Variants in ARL13A observed in about 807,000 individuals in gnomAD.
The protein encoded by ARL13A is ADP-ribosylation factor-like protein 13A.
A neutral mutation model predicts 19.1 loss-of-function variants in ARL13A; 16 were observed. That is an observed-to-expected ratio of 0.84 (90% confidence interval 0.57 to 1.27). The LOEUF (loss-of-function observed/expected upper bound fraction) is 1.27, where lower values mean the gene tolerates loss of function less well. ARL13A is among the 50% of genes most tolerant of loss of function. The probability of loss-of-function intolerance (pLI) is 0.00; values close to 1 mark genes in which losing one functional copy is unlikely to be tolerated. For synonymous variants in ARL13A, 69 were observed against 71.3 expected (o/e 0.97, Z 0.17); for missense variants, 153 against 186.4 (o/e 0.82, Z 1.04).
intron 3 of ARL13A, 117 bp from the exon 4 acceptor site, chrX:100,985,550 A>G (rs1052246293): frequency 1.1e-5 from 10 of 869,755 alleles, no homozygotes; most frequent in Non-Finnish European, 1.6e-6. Context: ...TCCCCTCTGC[A>G]TAGTACTTCC....
intron 6 of ARL13A, 138 bp from the exon 7 acceptor site, chrX:100,988,054 AG>A: frequency 2.2e-6 from 1 of 464,459 alleles, no homozygotes; most frequent in Non-Finnish European, 3.7e-6. Flanking sequence ...GAGGAGCAAA[AG>A]GCCTAAACAT....
At chrX:100,975,721 C>G (rs1207357514) in intron 3 of ARL13A, among the ~76,000 whole-genome samples, 1 of 109,024 alleles carries the variant, frequency 9.2e-6, no homozygotes, top group Non-Finnish European at 1.9e-5. Context: ...CAACCTCCAC[C>G]TCCCAGGTTC....
rs149214605 is a variant in ARL13A, at chrX:100,988,452, T to C, written c.744+169T>C. Reference sequence around the variant, plus strand: ...CTTTAGATGAACCCATGAAAGAAGGTGAATGTTCTAGGAGAATGAGAGCTC... The same window carrying C: ...CTTTAGATGAACCCATGAAAGAAGGCGAATGTTCTAGGAGAATGAGAGCTC... On this transcript the variant is annotated intron_variant, in intron 7 of 7. Transcript: ENST00000450049. 1,207 of 1,195,251 alleles carry C rather than the reference T, an allele frequency of 1.0e-3. 11 individuals carry two copies. In the African/African-American group the frequency reaches 0.019, roughly 19 times the overall value.
rs1416278513 is a variant in ARL13A, at chrX:100,974,171, CTG to C, written c.106_107del (p.Val36SerfsTer12). The C allele has an allele frequency of 1.8e-5, 21 of 1,192,083 alleles. No individual in the cohort carries two copies. Among genetic ancestry groups the C allele is most frequent in the Non-Finnish European group, 2.1e-5 (19 of 885,047 alleles). Reference sequence around the variant, plus strand: ...ATTGGCTTGAACAACTCTGGCAAAACTGTTCTTGTGGAGGCATTCCAAAAATG... The same window carrying C: ...ATTGGCTTGAACAACTCTGGCAAAACTTCTTGTGGAGGCATTCCAAAAATG... On this transcript the variant is annotated frameshift_variant, in exon 3 of 8. Transcript: ENST00000450049. LOFTEE classifies it high-confidence loss of function.
chrX:100,979,032 TCTG>T (rs1312032700), intron 3 of ARL13A, among the ~76,000 whole-genome samples: 1 of 111,768 alleles, frequency 8.9e-6, no homozygotes, highest in Admixed American at 9.5e-5. Context: ...CTTCATCCCC[TCTG>T]CTTTTTAACT....
chrX:100,977,864 T>TATATGTGTGTATATGTA (rs2085793046), intron 3 of ARL13A, among the ~76,000 whole-genome samples: 1 of 112,513 alleles, frequency 8.9e-6, no homozygotes, highest in Admixed American at 9.4e-5. Flanking sequence ...TAAATAGTAC[T>TATATGTGTGTATATGTA]CCATTGTGTA....
chrX:100,977,754 C>A (rs749497495), intron 3 of ARL13A, among the ~76,000 whole-genome samples: 1 of 112,133 alleles, frequency 8.9e-6, no homozygotes, highest in Admixed American at 9.4e-5. Flanking sequence ...TGAGAACATA[C>A]GAAATTTATC....
intron 7 of ARL13A, 187 bp from the exon 8 acceptor site, chrX:100,990,375 A>C: frequency 1.1e-6 from 1 of 929,914 alleles, no homozygotes; most frequent in Non-Finnish European, 1.3e-6. Flanking sequence ...AAAGAGAAAA[A>C]CAGAGGGAAA....
chrX:100,986,176 C>A, intron 4 of ARL13A, among the ~76,000 whole-genome samples: 1 of 111,772 alleles, frequency 8.9e-6, no homozygotes, highest in East Asian at 2.8e-4. Context: ...AAAGTGGTAT[C>A]CACCACCTCC....
chrX:100,986,817 GAAGA>G lies in ARL13A; in HGVS notation c.406_409del (p.Lys136ProfsTer13). The G allele has an allele frequency of 8.3e-7, 1 of 1,199,781 alleles. No individual in the cohort carries two copies. Among genetic ancestry groups the G allele is most frequent in the Non-Finnish European group, 1.1e-6 (1 of 888,658 alleles). On this transcript the variant is annotated frameshift_variant, in exon 5 of 8. Coordinates refer to ENST00000450049, the MANE Select transcript of ARL13A (RefSeq NM_001162491.2). LOFTEE classifies it high-confidence loss of function. Reference sequence around the variant, plus strand: ...TTAGTTTAGCAAACAAACAAGACAAGAAGAAAGCCCTCATGCCTTGTGATATTAT... The same window carrying G: ...TTAGTTTAGCAAACAAACAAGACAAGAAGCCCTCATGCCTTGTGATATTAT...
intron 3 of ARL13A, among the ~76,000 whole-genome samples, chrX:100,976,172 C>T (rs1045320416): frequency 2.7e-5 from 3 of 109,385 alleles, no homozygotes; most frequent in East Asian, 2.9e-4. Flanking sequence ...TCTAGAGCCC[C>T]AACTCAACCT....
At chrX:100,976,311 G>A (rs2085760960) in intron 3 of ARL13A, among the ~76,000 whole-genome samples, 1 of 110,705 alleles carries the variant, frequency 9.0e-6, no homozygotes, top group Admixed American at 9.6e-5. Flanking sequence ...TATTTTGCCT[G>A]TGAGAATGGT....
intron 7 of ARL13A, among the ~76,000 whole-genome samples, chrX:100,988,963 C>CA (rs2085981628): frequency 9.5e-6 from 1 of 105,389 alleles, no homozygotes; most frequent in African/African-American, 3.5e-5. Context: ...CGCAAGTACC[C>CA]AAAAAACGAT....
At chrX:100,986,707 C>T in intron 4 of ARL13A, 89 bp from the exon 5 acceptor site, 1 of 543,826 alleles carries the variant, frequency 1.8e-6, no homozygotes, top group South Asian at 3.6e-5. Context: ...AATTTGTTCT[C>T]CTCCTCTTTC....
At chrX:100,974,035 G>GT in intron 2 of ARL13A, 92 bp from the exon 3 acceptor site, 2 of 744,819 alleles carry the variant, frequency 2.7e-6, no homozygotes, top group Non-Finnish European at 4.0e-6. Context: ...TGCAGGCAGA[G>GT]TCCCAAACAA....
Position 100,973,734 on chromosome X carries a change from A to G in ARL13A, c.45A>G (p.Thr15=), listed in dbSNP as rs1391408372. The change falls in exon 2 of 8, where the codon ACA becomes ACG. Residue 15 remains threonine (T), a synonymous_variant. Transcript: ENST00000450049. ...CCTGCTGCTCTTGCCTAAGGACAAC[A>G]GAAGAGACACGAAGGTAATATTACA... ...LSSCCSCLRT[T]EETRRNVTIP... 4 of 1,211,211 alleles carry G rather than the reference A, an allele frequency of 3.3e-6. No homozygotes were observed. The Admixed American group carries it at 8.7e-5, about 26-fold the overall frequency.
intron 1 of ARL13A, among the ~76,000 whole-genome samples, chrX:100,972,641 G>T (rs1238462931): frequency 0.039 from 808 of 20,698 alleles, 19 homozygotes; most frequent in Middle Eastern, 0.062. Context: ...CCTCCCGGAC[G>T]GGGCGGCTGG....
chrX:100,981,969 T>C (rs1458107931), intron 3 of ARL13A, among the ~76,000 whole-genome samples: 4 of 109,693 alleles, frequency 3.6e-5, no homozygotes, highest in Non-Finnish European at 3.8e-5. Flanking sequence ...TATGCCGCCA[T>C]CTCCAAGTCA....
chrX:100,987,184 G>A (rs982128473), intron 5 of ARL13A, among the ~76,000 whole-genome samples: 2 of 112,281 alleles, frequency 1.8e-5, no homozygotes, highest in Non-Finnish European at 3.8e-5. Context: ...AGACACCACA[G>A]CCACTTTATT....
Sources: gnomAD v4.1 joint callset for allele counts (sites outside exome capture counted in the v4.1 genomes callset) on GRCh38, gnomAD v4.1.1 for gene constraint, MANE v1.5 for transcripts, NCBI Gene and HGNC (gene_info 2026-07-23, HGNC 2026-07-21) for gene names.